Variants in AMTN observed in about 807,000 individuals in gnomAD.
AMTN encodes the protein RSTI689.
A neutral mutation model predicts 27.4 loss-of-function variants in AMTN; 29 were observed. That is an observed-to-expected ratio of 1.06 (90% CI 0.79 to 1.44). The LOEUF (loss-of-function observed/expected upper bound fraction) is 1.44, where lower values mean the gene tolerates loss of function less well. Among genes scored for constraint, AMTN ranks in the 40% most tolerant of loss-of-function variants. The pLI, the probability that AMTN is intolerant of heterozygous loss-of-function variation, is 0.00. For synonymous variants in AMTN, 86 were observed against 95.7 expected (o/e 0.90, Z 0.59); for missense variants, 247 against 248.8 (o/e 0.99, Z 0.05).
chr4:70,525,348 A>G (rs1274884012), intron 5 of AMTN, among the ~76,000 whole-genome samples: 1 of 152,170 alleles, frequency 6.6e-6, no homozygotes, highest in African/African-American at 2.4e-5. Flanking sequence ...TAAGAGGTGG[A>G]TAAAGTTTAT....
At chr4:70,530,672 A>G (rs1398427808) in intron 7 of AMTN, among the ~76,000 whole-genome samples, 1 of 152,252 alleles carries the variant, frequency 6.6e-6, no homozygotes, top group Non-Finnish European at 1.5e-5. Flanking sequence ...AATGCCTTTG[A>G]AAAATACATC....
At chr4:70,527,167 G>C (rs971489260) in intron 5 of AMTN, among the ~76,000 whole-genome samples, 28 of 152,154 alleles carry the variant, frequency 1.8e-4, no homozygotes, top group African/African-American at 5.5e-4. Flanking sequence ...TACAGCTGTT[G>C]CAAAGATCAA....
intron 3 of AMTN, 31 bp downstream of exon 3, chr4:70,522,869 A>G (rs139060712): frequency 6.3e-7 from 1 of 1,598,592 alleles, no homozygotes; most frequent in African/African-American, 1.3e-5. Context: ...AACATGTACA[A>G]ACCGGTAAAG....
intron 6 of AMTN, 145 bp from the exon 7 acceptor site, chr4:70,529,039 T>C: frequency 1.4e-6 from 1 of 717,724 alleles, no homozygotes; most frequent in Non-Finnish European, 2.2e-6. Context: ...GTAATATAGA[T>C]CATAAGGCAG....
intron 2 of AMTN, 151 bp downstream of exon 2, chr4:70,518,982 G>A (rs1735883697): frequency 5.6e-6 from 4 of 710,534 alleles, no homozygotes; most frequent in South Asian, 3.3e-5. Flanking sequence ...GACAGAAAAT[G>A]ACAAGCTAAT....
chr4:70,530,398 A>G (rs1262367644), intron 7 of AMTN, among the ~76,000 whole-genome samples: 1 of 152,202 alleles, frequency 6.6e-6, no homozygotes, highest in African/African-American at 2.4e-5. Flanking sequence ...CTCTGCTCCT[A>G]TCTGTCATCC....
intron 7 of AMTN, among the ~76,000 whole-genome samples, chr4:70,530,452 C>A (rs1461144271): frequency 1.3e-5 from 2 of 152,166 alleles, no homozygotes; most frequent in East Asian, 3.9e-4. Flanking sequence ...AAATGTAACA[C>A]AGTGTTTCCC....
intron 7 of AMTN, among the ~76,000 whole-genome samples, chr4:70,529,499 C>A (rs1311903892): frequency 6.6e-6 from 1 of 152,144 alleles, no homozygotes; most frequent in African/African-American, 2.4e-5. Flanking sequence ...ATAAGGATTT[C>A]AGTCTAGGAT....
intron 7 of AMTN, among the ~76,000 whole-genome samples, chr4:70,530,604 C>T (rs374792696): frequency 2.7e-4 from 41 of 152,274 alleles, no homozygotes; most frequent in Middle Eastern, 3.4e-3. Flanking sequence ...CTTTATGTAT[C>T]TTCAAGGAAC....
intron 2 of AMTN, among the ~76,000 whole-genome samples, chr4:70,519,278 A>C (rs1208922384): frequency 6.6e-6 from 1 of 152,216 alleles, no homozygotes; most frequent in African/African-American, 2.4e-5. Context: ...TATGATATCA[A>C]AGGCATATGA....
intron 3 of AMTN, 138 bp downstream of exon 3, chr4:70,522,976 A>G: frequency 2.8e-6 from 2 of 724,852 alleles, no homozygotes; most frequent in Non-Finnish European, 4.3e-6. Flanking sequence ...ACTGAACAAG[A>G]GAGAGGCTTT....
In AMTN at chr4:70,531,260, C is replaced by T. The variant is rs1322850950; in HGVS notation, c.579C>T (p.Ser193=). 16 of 1,613,902 alleles carry T rather than the reference C, an allele frequency of 9.9e-6. No individual in the cohort carries two copies. The highest frequency in any genetic ancestry group is 1.3e-5 in the African/African-American group (1 of 74,926). ...CCACCCCTGCAGGCATCCAAAGGAG[C>T]ACACATGCCATCGAGGAAGCCACCA... is the stretch of plus-strand genomic sequence containing the variant. ...AVTTPAGIQR[S]THAIEEATTE... Residue 193 remains serine, a synonymous_variant, in exon 8 of 9, where the codon AGC becomes AGT. Transcript: ENST00000339336.
At chr4:70,524,446 A>G (rs528334625) in intron 4 of AMTN, among the ~76,000 whole-genome samples, 15 of 152,342 alleles carry the variant, frequency 9.8e-5, no homozygotes, top group African/African-American at 3.6e-4. Context: ...AAATTTAAAT[A>G]TAGCTCATGT....
rs778718219 is a variant in AMTN, at chr4:70,532,497, C to G, written c.*32C>G. 7 of 1,600,796 alleles carry G rather than the reference C, an allele frequency of 4.4e-6. No homozygotes were observed. Among genetic ancestry groups the G allele is most frequent in the Admixed American group, 1.7e-5 (1 of 59,136 alleles). ...TCAAATTTTTTCAACTAAGCTGCCT[C>G]GAATTTGGTGATACATGTGAATCTT... On this transcript the variant is annotated 3_prime_UTR_variant, in exon 9 of 9. Transcript: ENST00000339336.
Position 70,520,687 on chromosome 4 carries a change from A to C in AMTN, c.54+1856A>C, listed in dbSNP as rs148321946. ...TGATAAATGGTGAGCAGTCTAAATC[A>C]GTAGGTCACATGACAGGTTAGGAGA... On this transcript the variant is annotated intron_variant, in intron 2 of 8. Coordinates refer to ENST00000339336, the MANE Select transcript of AMTN (RefSeq NM_212557.4). Among the ~76,000 whole-genome samples the C allele has an allele frequency of 5.9e-4, 90 of 152,332 alleles. 4 individuals carry two copies. The East Asian group carries it at 0.017, about 29-fold the overall frequency.
intron 3 of AMTN, among the ~76,000 whole-genome samples, chr4:70,523,226 T>C (rs534500333): frequency 1.3e-5 from 2 of 152,334 alleles, no homozygotes; most frequent in South Asian, 4.1e-4. Context: ...TCAGAGATGA[T>C]CTATAAAAAA....
chr4:70,526,418 A>G (rs772383477), intron 5 of AMTN, among the ~76,000 whole-genome samples: 1 of 152,184 alleles, frequency 6.6e-6, no homozygotes, highest in Non-Finnish European at 1.5e-5. Flanking sequence ...CTTTGCTTCT[A>G]TAAACAATGC....
chr4:70,530,100 C>T (rs1736188961), intron 7 of AMTN, among the ~76,000 whole-genome samples: 1 of 152,100 alleles, frequency 6.6e-6, no homozygotes. Flanking sequence ...GCCTCAAAGG[C>T]AACAATGAGA....
intron 5 of AMTN, among the ~76,000 whole-genome samples, chr4:70,526,217 A>T (rs1055569474): frequency 2.0e-5 from 3 of 152,168 alleles, no homozygotes; most frequent in Non-Finnish European, 4.4e-5. Flanking sequence ...TCTTTTTTCT[A>T]TACACATAAG....
Sources: gnomAD v4.1 joint callset for allele counts (sites outside exome capture counted in the v4.1 genomes callset) on GRCh38, gnomAD v4.1.1 for gene constraint, MANE v1.5 for transcripts, NCBI Gene and HGNC (gene_info 2026-07-23, HGNC 2026-07-21) for gene names.